The following CRYZL1 variants were observed in gnomAD, a reference collection of about 807,000 sequenced individuals.
The protein encoded by CRYZL1 is ferry endosomal RAB5 effector complex subunit 4.
Under a neutral mutation model 50.6 loss-of-function variants are expected in CRYZL1, and 34 were observed. The ratio of observed to expected loss-of-function variants is 0.67; its 90% CI spans 0.51 to 0.89. CRYZL1 has a LOEUF of 0.89. CRYZL1 is among the 40% of genes least tolerant of loss of function. The pLI is 0.00. For missense variants in CRYZL1, 354 were observed against 402.3 expected, an observed-to-expected ratio of 0.88 and a Z score of 1.03; for synonymous variants, 125 against 134.3, an observed-to-expected ratio of 0.93 and a Z score of 0.48.
Position 33,595,807 on chromosome 21 carries a change from G to C in CRYZL1, c.828C>G (p.Phe276Leu). 1 of 1,613,972 alleles carries C rather than the reference G, an allele frequency of 6.2e-7. No homozygotes were observed. The highest frequency in any genetic ancestry group is 2.2e-5 in the East Asian group (1 of 44,872). Reference protein sequence around the residue: ...QLDPPDSHCLFLKGATLAFLN... With the variant: ...QLDPPDSHCLLLKGATLAFLN... ...GGAAAGCTAACGTTGCTCCCTTGAGGAAAAGGCAGTGGCTATCTGGAGGAT... is the reference window on the plus strand; with the variant it reads ...GGAAAGCTAACGTTGCTCCCTTGAGCAAAAGGCAGTGGCTATCTGGAGGAT... Residue 276 changes from phenylalanine to leucine, a missense_variant, in exon 11 of 13, where the codon TTC (phenylalanine) becomes TTG (leucine). Physicochemically the swap from Phe to Leu is conservative, Grantham distance 22 (BLOSUM62 0). Coordinates refer to ENST00000381554, the MANE Select transcript of CRYZL1 (RefSeq NM_145858.3).
intron 1 of CRYZL1, among the ~76,000 whole-genome samples, 182 bp downstream of exon 1, chr21:33,641,499 T>G (rs1396327205): frequency 6.6e-6 from 1 of 152,120 alleles, no homozygotes; most frequent in Non-Finnish European, 1.5e-5. Context: ...GTCCCTCAAA[T>G]CTAGTCTTAC....
intron 11 of CRYZL1, among the ~76,000 whole-genome samples, chr21:33,592,602 A>G (rs1363687642): frequency 6.6e-6 from 1 of 152,224 alleles, no homozygotes; most frequent in Non-Finnish European, 1.5e-5. Context: ...TCAAGATTCT[A>G]TGTAATTGCC....
intron 10 of CRYZL1, 87 bp from the exon 11 acceptor site, chr21:33,595,923 C>G (rs2086689027): frequency 3.6e-6 from 3 of 839,318 alleles, no homozygotes; most frequent in Non-Finnish European, 6.0e-6. Flanking sequence ...AACTTCTACA[C>G]AAATTAAATG....
At chr21:33,630,657 G>GAAATGA in intron 2 of CRYZL1, among the ~76,000 whole-genome samples, 1 of 151,614 alleles carries the variant, frequency 6.6e-6, no homozygotes, top group East Asian at 1.9e-4. Context: ...ACATCCAAAG[G>GAAATGA]AAATGAAAGC....
At chr21:33,605,266 TGTTTTC>T (rs2086798160) in intron 6 of CRYZL1, among the ~76,000 whole-genome samples, 1 of 143,758 alleles carries the variant, frequency 7.0e-6, no homozygotes, top group Non-Finnish European at 1.6e-5. Context: ...TTGTGCCTTC[TGTTTTC>T]AATCTCTTTA....
intron 6 of CRYZL1, among the ~76,000 whole-genome samples, chr21:33,606,763 A>G (rs911145993): frequency 6.6e-6 from 1 of 152,000 alleles, no homozygotes; most frequent in Non-Finnish European, 1.5e-5. Flanking sequence ...TAATCCCAGC[A>G]CTATGGGAGG....
intron 2 of CRYZL1, among the ~76,000 whole-genome samples, chr21:33,625,312 T>G (rs570964346): frequency 6.6e-6 from 1 of 151,178 alleles, no homozygotes; most frequent in Non-Finnish European, 1.5e-5. Flanking sequence ...CCCGCCACCA[T>G]GCCCAGCTAA....
intron 1 of CRYZL1, among the ~76,000 whole-genome samples, chr21:33,638,210 CTTTT>C (rs569863892): frequency 2.4e-5 from 3 of 126,804 alleles, no homozygotes; most frequent in Admixed American, 8.0e-5. Context: ...GTCAGGTCTG[CTTTT>C]TTTTTTTTTT....
intron 6 of CRYZL1, among the ~76,000 whole-genome samples, chr21:33,603,830 CG>C (rs1318766667): frequency 2.0e-5 from 3 of 152,214 alleles, no homozygotes; most frequent in Non-Finnish European, 4.4e-5. Context: ...GCAAAGTTAA[CG>C]GTATACCATC....
chr21:33,611,313 T>A (rs930669052), intron 6 of CRYZL1, among the ~76,000 whole-genome samples: 3 of 152,204 alleles, frequency 2.0e-5, no homozygotes, highest in Non-Finnish European at 4.4e-5. Context: ...ACTTGGCTCC[T>A]CACTAGGCTT....
At chr21:33,603,934 A>C (rs1237074905) in intron 6 of CRYZL1, among the ~76,000 whole-genome samples, 8 of 152,112 alleles carry the variant, frequency 5.3e-5, no homozygotes, top group Admixed American at 1.3e-4. Context: ...TATTTGTATC[A>C]CTCATTAGTA....
chr21:33,621,413 C>T (rs910071078), intron 4 of CRYZL1, among the ~76,000 whole-genome samples: 7 of 151,452 alleles, frequency 4.6e-5, no homozygotes, highest in Non-Finnish European at 7.4e-5. Flanking sequence ...GCCATCTCGG[C>T]TCACTGCAAG....
intron 6 of CRYZL1, among the ~76,000 whole-genome samples, chr21:33,608,698 A>C (rs2086839072): frequency 6.6e-6 from 1 of 152,176 alleles, no homozygotes; most frequent in African/African-American, 2.4e-5. Flanking sequence ...CACAAATGAC[A>C]CAATTTCCTG....
At chr21:33,603,061 G>GTT in intron 7 of CRYZL1, 1 of 217,754 alleles carries the variant, frequency 4.6e-6, no homozygotes, top group Non-Finnish European at 9.4e-6. Context: ...CTTGATCAAC[G>GTT]TAAGTGTGAG....
At chr21:33,598,714 A>C (rs1370411538) in intron 9 of CRYZL1, among the ~76,000 whole-genome samples, 1 of 151,988 alleles carries the variant, frequency 6.6e-6, no homozygotes, top group Non-Finnish European at 1.5e-5. Flanking sequence ...GTCTACACCA[A>C]GCTTGTCCAA....
intron 4 of CRYZL1, among the ~76,000 whole-genome samples, chr21:33,617,735 C>G (rs1397498420): frequency 6.6e-6 from 1 of 152,140 alleles, no homozygotes; most frequent in Non-Finnish European, 1.5e-5. Flanking sequence ...TTTCACAATG[C>G]TTTTCCATAC....
At chr21:33,610,094 C>T (rs1277024789) in intron 6 of CRYZL1, among the ~76,000 whole-genome samples, 1 of 151,858 alleles carries the variant, frequency 6.6e-6, no homozygotes, top group Non-Finnish European at 1.5e-5. Context: ...AAGCAATCCT[C>T]CTACCTCAGC....
chr21:33,641,158 C>T (rs1332225950), intron 1 of CRYZL1: 12 of 1,550,014 alleles, frequency 7.7e-6, no homozygotes, highest in Non-Finnish European at 1.0e-5. Flanking sequence ...CGACCCAGAC[C>T]TATCCCAAGG....
chr21:33,595,491 G>C, intron 11 of CRYZL1: 2 of 1,317,568 alleles, frequency 1.5e-6, no homozygotes, highest in Non-Finnish European at 1.0e-6. Context: ...CTGCGTCCTT[G>C]AGTCTGTATC....
Sources: gnomAD v4.1 joint callset for allele counts (sites outside exome capture counted in the v4.1 genomes callset) on GRCh38, gnomAD v4.1.1 for gene constraint, MANE v1.5 for transcripts, NCBI Gene and HGNC (gene_info 2026-07-23, HGNC 2026-07-21) for gene names.